Variants in AP2A2 observed in about 807,000 individuals in gnomAD.
AP2A2 encodes AP-2 complex subunit alpha-2.
AP2A2 carries 32 observed loss-of-function variants against 104.2 expected under a neutral mutation model. The ratio of observed to expected loss-of-function variants is 0.31; its 90% CI spans 0.23 to 0.41. The LOEUF (loss-of-function observed/expected upper bound fraction) is 0.41, where lower values mean the gene tolerates loss of function less well. Among genes scored for constraint, AP2A2 ranks in the 10% least tolerant of loss-of-function variants. The pLI, the probability that AP2A2 is intolerant of heterozygous loss-of-function variation, is 1.00. For missense variants in AP2A2, 912 were observed against 1,261.0 expected, an observed-to-expected ratio of 0.72 and a Z score of 4.19; for synonymous variants, 539 against 533.3, an observed-to-expected ratio of 1.01 and a Z score of -0.15.
chr11:943,977 G>A (rs1049716243), intron 1 of AP2A2, among the ~76,000 whole-genome samples: 1 of 149,376 alleles, frequency 6.7e-6, no homozygotes, highest in Admixed American at 6.7e-5. Context: ...AGGAGAGTCC[G>A]ACCGGAGATG....
intron 6 of AP2A2, 71 bp downstream of exon 6, chr11:981,370 G>A (rs2133692528): frequency 7.9e-7 from 1 of 1,265,580 alleles, no homozygotes; most frequent in South Asian, 1.3e-5. Context: ...TAGCTTATTT[G>A]TAGAATGCAA....
In AP2A2 at chr11:1,011,230, TCTC is replaced by T. The variant is rs1856418500; in HGVS notation, c.*608_*610del. On this transcript the variant is annotated 3_prime_UTR_variant, in exon 22 of 22. Coordinates refer to ENST00000448903, the MANE Select transcript of AP2A2 (RefSeq NM_012305.4). ...ACGTGTCCTGGCCGGATGTAACTGT[TCTC>T]CTTTCCCAGCTCCTGTTTGTGAAGG... 1 of 519,548 alleles carries T rather than the reference TCTC, an allele frequency of 1.9e-6. No individual in the cohort carries two copies. 32.2% of individuals were successfully genotyped at this position (519,548 alleles called of 1,614,324 possible). A position where few individuals can be genotyped will look rare whatever the true frequency, so the allele number is the denominator to read the frequency against.
intron 1 of AP2A2, among the ~76,000 whole-genome samples, chr11:927,169 C>T (rs1463400664): frequency 6.6e-6 from 1 of 152,126 alleles, no homozygotes; most frequent in East Asian, 1.9e-4. Context: ...AGTGATCCTA[C>T]CACCTCAGCC....
chr11:969,217 GC>G (rs201394005), intron 2 of AP2A2, among the ~76,000 whole-genome samples: 1 of 86,138 alleles, frequency 1.2e-5, no homozygotes, highest in Non-Finnish European at 2.6e-5. Context: ...ATGTAGAACA[GC>G]CCTTTTTTTT....
Position 986,908 on chromosome 11 carries a change from T to C in AP2A2, c.1086T>C (p.His362=), listed in dbSNP as rs1229599731. 2 of 1,604,506 alleles carry C rather than the reference T, an allele frequency of 1.2e-6. No individual in the cohort carries two copies. The highest frequency in any genetic ancestry group is 1.7e-6 in the Non-Finnish European group (2 of 1,176,004). The part of the protein sequence containing the change: ...MCTLASSEFS[H]EAVKTHIETV... Reference sequence around the variant, plus strand: ...CGCTGGCCAGCTCTGAGTTCTCCCATGAGGCTGTCAAGACGCACATCGAGA... The same window carrying C: ...CGCTGGCCAGCTCTGAGTTCTCCCACGAGGCTGTCAAGACGCACATCGAGA... The change falls in exon 9 of 22, where the codon CAT becomes CAC. Residue 362 remains histidine, a synonymous_variant. Transcript: ENST00000448903.
Position 993,950 on chromosome 11 carries a change from C to G in AP2A2, c.1747C>G (p.Leu583Val). 1 of 1,612,616 alleles carries G rather than the reference C, an allele frequency of 6.2e-7. No individual in the cohort carries two copies. The highest frequency in any genetic ancestry group is 8.5e-7 in the Non-Finnish European group (1 of 1,179,762). ...VELQQRAVEY[L>V]RLSTVASTDI... ...GCTGCAGCAGCGTGCTGTGGAGTAC[C>G]TGCGGCTCAGCACCGTGGCCAGCAC... Residue 583 changes from leucine to valine, a missense_variant, in exon 13 of 22, where the codon CTG becomes GTG. Physicochemically the swap from Leu to Val is conservative, Grantham distance 32. Transcript: ENST00000448903. This position sits in a 1 kb window ranked among gnomAD's most constrained non-coding sequence, Gnocchi z 8.2.
chr11:926,048 G>C lies in AP2A2; in HGVS notation c.27G>C (p.Gly9=), dbSNP rs1425306435. The C allele has an allele frequency of 7.2e-7, 1 of 1,388,596 alleles. No individual in the cohort carries two copies. The highest frequency in any genetic ancestry group is 2.8e-5 in the Admixed American group (1 of 35,634). The allele number at this position is 1,388,596 out of a possible 1,614,324, so 86.0% of individuals were successfully genotyped here. A position where few individuals can be genotyped will look rare whatever the true frequency, so the allele number is the denominator to read the frequency against. ...TGCCGGCCGTGTCCAAGGGGGACGGGATGCGGGGCCTGGCGGTCTTCATCT... is the reference window on the plus strand; with the variant it reads ...TGCCGGCCGTGTCCAAGGGGGACGGCATGCGGGGCCTGGCGGTCTTCATCT... The part of the protein sequence containing the change: MPAVSKGD[G]MRGLAVFISD... The change falls in exon 1 of 22, where the codon GGG becomes GGC. Residue 9 remains glycine (G), a synonymous_variant. Transcript: ENST00000448903.
chr11:997,907 AAAAAT>A (rs769688738), intron 14 of AP2A2, among the ~76,000 whole-genome samples: 6 of 152,226 alleles, frequency 3.9e-5, no homozygotes, highest in Non-Finnish European at 7.3e-5. Context: ...TCGGTCTCAA[AAAAAT>A]AAAATAAAAT....
At chr11:928,098 T>A (rs772973237) in intron 1 of AP2A2, among the ~76,000 whole-genome samples, 21 of 152,198 alleles carry the variant, frequency 1.4e-4, no homozygotes, top group Non-Finnish European at 2.9e-4. Flanking sequence ...GTCAGATATA[T>A]TGTCTGTGCC....
chr11:973,972 C>T (rs1354737299), intron 4 of AP2A2, among the ~76,000 whole-genome samples: 3 of 152,238 alleles, frequency 2.0e-5, no homozygotes, highest in Admixed American at 1.3e-4. Flanking sequence ...ACCCCTGAGG[C>T]ACGTGCAGAT....
At chr11:997,821 CT>C (rs2133759827) in intron 14 of AP2A2, among the ~76,000 whole-genome samples, 1 of 152,332 alleles carries the variant, frequency 6.6e-6, no homozygotes, top group East Asian at 1.9e-4. Context: ...AGGAGAATTG[CT>C]TGAACCCAGA....
chr11:983,966 T>C (rs6421967), intron 6 of AP2A2, among the ~76,000 whole-genome samples: 87,803 of 151,964 alleles, frequency 0.58, 26,215 homozygotes, highest in Middle Eastern at 0.73. Context: ...CATCTTGCAG[T>C]TTAGGGTAGG....
At chr11:944,307 G>A (rs959772561) in intron 1 of AP2A2, among the ~76,000 whole-genome samples, 74 of 152,296 alleles carry the variant, frequency 4.9e-4, no homozygotes, top group Admixed American at 7.9e-4. Context: ...GAGATGTGGT[G>A]CTATTGCTGG....
chr11:986,758 C>G lies in AP2A2; in HGVS notation c.963-27C>G, dbSNP rs1047767862. On this transcript the variant is annotated intron_variant, in intron 8 of 21. Transcript: ENST00000448903. ...TTGTGTTGCACTTGCTGAGGAAACC[C>G]CACCCACTTCCCCTCCCTCCACACA... The G allele has an allele frequency of 2.5e-6, 4 of 1,607,406 alleles. No homozygotes were observed. The African/African-American group carries it at 5.3e-5, about 21-fold the overall frequency.
At position 993,802 on chromosome 11, in the gene AP2A2, C is replaced by T. The variant is rs373549495; in HGVS notation, c.1599C>T (p.Ser533=). ...TGCACTCCAAGTTCCACCTGTGCAG[C>T]GTCCCCACCCGCGCGCTGCTCCTGT... ...HLLHSKFHLC[S]VPTRALLLST... The change falls in exon 13 of 22, where the codon AGC becomes AGT. Residue 533 remains serine (S), a synonymous_variant. Transcript: ENST00000448903. The surrounding 1 kb of genome is among the most constrained non-coding windows in gnomAD (Gnocchi z 8.2). The T allele has an allele frequency of 7.8e-5, 125 of 1,606,948 alleles. No individual in the cohort carries two copies. The African/African-American group carries it at 9.2e-4, about 12-fold the overall frequency.
At chr11:940,993 G>A in intron 1 of AP2A2, 1 of 450,804 alleles carries the variant, frequency 2.2e-6, no homozygotes, top group Non-Finnish European at 4.5e-6. Context: ...CTCTCACGAG[G>A]CCCCTTGCTC....
chr11:985,514 G>A lies in AP2A2; in HGVS notation c.894G>A (p.Lys298=). The A allele has an allele frequency of 1.2e-6, 2 of 1,613,990 alleles. No homozygotes were observed. The highest frequency in any genetic ancestry group is 1.7e-6 in the Non-Finnish European group (2 of 1,179,882). Residue 298 remains lysine, a synonymous_variant, in exon 8 of 22, where the codon AAG becomes AAA. Transcript: ENST00000448903. ...CCCAAGAACCGCCCAAGTCGAAGAA[G>A]GTCCAGCACTCCAACGCGAAGAATG... ...NKAQEPPKSK[K]VQHSNAKNAV...
intron 14 of AP2A2, among the ~76,000 whole-genome samples, chr11:998,947 C>T (rs186818214): frequency 6.6e-6 from 1 of 152,272 alleles, no homozygotes; most frequent in African/African-American, 2.4e-5. Flanking sequence ...CCCCCTCGGC[C>T]TCCCAAAGTG....
At chr11:963,665 G>A (rs1021885015) in intron 2 of AP2A2, among the ~76,000 whole-genome samples, 1 of 152,184 alleles carries the variant, frequency 6.6e-6, no homozygotes, top group African/African-American at 2.4e-5. Context: ...ATCTTGCTCT[G>A]TTGACCAGGC....
Sources: allele counts gnomAD v4.1 joint callset (sites outside exome capture counted in the v4.1 genomes callset), GRCh38; gene constraint gnomAD v4.1.1; non-coding constraint Gnocchi (gnomAD v3.1); transcripts MANE v1.5; gene names NCBI Gene and HGNC (gene_info 2026-07-23, HGNC 2026-07-21).